Variants in ATP10A observed in about 807,000 individuals in gnomAD.
ATP10A encodes the protein ATPase phospholipid transporting 10A (putative).
In ATP10A, 111 loss-of-function variants were observed where a neutral mutation model predicts 147.8. The ratio of observed to expected loss-of-function variants is 0.75; its 90% CI spans 0.64 to 0.88. The LOEUF (loss-of-function observed/expected upper bound fraction) is 0.88. ATP10A is among the 40% of genes least tolerant of loss of function. ATP10A has a pLI of 0.00. For synonymous variants in ATP10A, 875 were observed against 841.6 expected (o/e 1.04, Z -0.69); for missense variants, 1,927 against 1,959.0 (o/e 0.98, Z 0.31).
chr15:25,799,429 G>A (rs967225226), intron 1 of ATP10A, among the ~76,000 whole-genome samples: 2 of 152,156 alleles, frequency 1.3e-5, no homozygotes, highest in Non-Finnish European at 2.9e-5. Flanking sequence ...ACAAACTCAG[G>A]GGTGGGCAGC....
intron 1 of ATP10A, among the ~76,000 whole-genome samples, chr15:25,828,175 A>G (rs1357232944): frequency 6.6e-6 from 1 of 152,248 alleles, no homozygotes; most frequent in Non-Finnish European, 1.5e-5. Context: ...ACAGAACTGA[A>G]GGATGAAATA....
chr15:25,717,296 A>C (rs976770287), intron 8 of ATP10A, among the ~76,000 whole-genome samples: 1 of 152,334 alleles, frequency 6.6e-6, no homozygotes, highest in Admixed American at 6.5e-5. Context: ...TAACAACTTG[A>C]AAATGGATAT....
intron 1 of ATP10A, among the ~76,000 whole-genome samples, chr15:25,807,074 G>A (rs12438133): frequency 0.54 from 81,505 of 152,080 alleles, 23,198 homozygotes; most frequent in East Asian, 0.8. Flanking sequence ...GAGCACAAGC[G>A]CAAGGAGTGA....
At chr15:25,836,746 T>C (rs531194995) in intron 1 of ATP10A, among the ~76,000 whole-genome samples, 6 of 152,220 alleles carry the variant, frequency 3.9e-5, no homozygotes, top group South Asian at 2.1e-4. Flanking sequence ...CCAGTGCCCA[T>C]AGCAACCCTA....
chr15:25,848,973 A>C (rs2140906049), intron 1 of ATP10A: 1 of 152,648 alleles, frequency 6.6e-6, no homozygotes, highest in East Asian at 2.0e-4. Flanking sequence ...CCAGAGAAGG[A>C]GCTCGCCACA....
chr15:25,769,218 G>A (rs1469185287), intron 2 of ATP10A, among the ~76,000 whole-genome samples: 1 of 152,072 alleles, frequency 6.6e-6, no homozygotes, highest in Non-Finnish European at 1.5e-5. Context: ...TGGGCATGGT[G>A]GCTTACACCT....
At chr15:25,802,567 G>T (rs1890988860) in intron 1 of ATP10A, among the ~76,000 whole-genome samples, 1 of 152,212 alleles carries the variant, frequency 6.6e-6, no homozygotes, top group Non-Finnish European at 1.5e-5. Context: ...CAGCTAAGGT[G>T]TCGGCAGGGC....
chr15:25,791,753 T>C (rs1331343577), intron 1 of ATP10A, among the ~76,000 whole-genome samples: 1 of 152,214 alleles, frequency 6.6e-6, no homozygotes, highest in African/African-American at 2.4e-5. Context: ...AGCATTCATA[T>C]TGAAAATATT....
intron 10 of ATP10A, chr15:25,708,522 C>T (rs896197280): frequency 1.1e-4 from 53 of 501,052 alleles, no homozygotes; most frequent in Middle Eastern, 1.1e-3. Context: ...GGTTTTGCCA[C>T]GTTGCCCAGG....
intron 12 of ATP10A, among the ~76,000 whole-genome samples, chr15:25,702,758 T>TC (rs1426409410): frequency 6.6e-6 from 1 of 152,060 alleles, no homozygotes; most frequent in Non-Finnish European, 1.5e-5. Context: ...CTCAGATTTT[T>TC]TTTTTTTTTT....
At chr15:25,751,855 T>G (rs1435148954) in intron 2 of ATP10A, among the ~76,000 whole-genome samples, 1 of 151,944 alleles carries the variant, frequency 6.6e-6, no homozygotes, top group Non-Finnish European at 1.5e-5. Context: ...AGGCAAGGGA[T>G]CTGAATAAAC....
At chr15:25,820,863 A>G (rs28564380) in intron 1 of ATP10A, among the ~76,000 whole-genome samples, 52,706 of 152,112 alleles carry the variant, frequency 0.35, 10,436 homozygotes, top group African/African-American at 0.54. Flanking sequence ...TTCAGGGTTC[A>G]AAAGAACTTT....
chr15:25,703,221 G>T (rs1900776257), intron 12 of ATP10A, among the ~76,000 whole-genome samples: 1 of 152,200 alleles, frequency 6.6e-6, no homozygotes, highest in African/African-American at 2.4e-5. Flanking sequence ...ACCTGGGCGT[G>T]GTAGTGGGTG....
At chr15:25,837,621 C>T (rs1892650288) in intron 1 of ATP10A, among the ~76,000 whole-genome samples, 1 of 152,194 alleles carries the variant, frequency 6.6e-6, no homozygotes, top group African/African-American at 2.4e-5. Flanking sequence ...AGATCAAAGC[C>T]GAAAGTGTCT....
intron 2 of ATP10A, among the ~76,000 whole-genome samples, chr15:25,744,505 A>G (rs995639019): frequency 6.6e-6 from 1 of 152,248 alleles, no homozygotes; most frequent in Non-Finnish European, 1.5e-5. Context: ...GGAAGAACCA[A>G]CAAAACAAGA....
intron 1 of ATP10A, among the ~76,000 whole-genome samples, chr15:25,814,285 C>A (rs946647053): frequency 2.0e-5 from 3 of 152,290 alleles, no homozygotes; most frequent in Admixed American, 2.0e-4. Context: ...TGCACTGGTG[C>A]AAATGTATTT....
intron 1 of ATP10A, among the ~76,000 whole-genome samples, chr15:25,831,917 A>C (rs1218472353): frequency 1.3e-5 from 2 of 152,190 alleles, no homozygotes; most frequent in Non-Finnish European, 2.9e-5. Flanking sequence ...AGTGTCCCCC[A>C]AAATTCATGT....
chr15:25,705,848 T>C (rs1248660183), intron 12 of ATP10A, among the ~76,000 whole-genome samples: 3 of 152,210 alleles, frequency 2.0e-5, no homozygotes, highest in Non-Finnish European at 4.4e-5. Flanking sequence ...AATGTATCCA[T>C]GAGCTCTGCC....
At chr15:25,856,185 T>C (rs552745542) in intron 1 of ATP10A, among the ~76,000 whole-genome samples, 2 of 152,298 alleles carry the variant, frequency 1.3e-5, no homozygotes, top group African/African-American at 4.8e-5. Context: ...AATCCCCACG[T>C]GTCAAGGGCA....
Sources: allele counts gnomAD v4.1 joint callset (sites outside exome capture counted in the v4.1 genomes callset), GRCh38; gene constraint gnomAD v4.1.1; transcripts MANE v1.5; gene names NCBI Gene and HGNC (gene_info 2026-07-23, HGNC 2026-07-21).